The following KDM2A variants were observed in gnomAD, a reference collection of about 807,000 sequenced individuals.
The protein encoded by KDM2A is lysine demethylase 2A.
In KDM2A, 3 loss-of-function variants were observed where a neutral mutation model predicts 137.3. The ratio of observed to expected loss-of-function variants is 0.02; its 90% CI spans 0.01 to 0.06. The LOEUF (loss-of-function observed/expected upper bound fraction) is 0.06. Ranked by LOEUF, KDM2A falls within the 10% of genes least tolerant of loss-of-function variation. The pLI is 1.00. For synonymous variants in KDM2A, 512 were observed against 541.5 expected (o/e 0.95, Z 0.76); for missense variants, 738 against 1,510.6 (o/e 0.49, Z 8.48).
intron 5 of KDM2A, among the ~76,000 whole-genome samples, chr11:67,193,797 G>A (rs1718395056): frequency 6.6e-6 from 1 of 152,236 alleles, no homozygotes; most frequent in Admixed American, 6.5e-5. Context: ...GGAGCGGGAG[G>A]TTGCGGTAAG....
At chr11:67,247,063 A>ATTTTTTTTT (rs1212913269) in intron 15 of KDM2A, among the ~76,000 whole-genome samples, 3 of 25,008 alleles carry the variant, frequency 1.2e-4, no homozygotes, top group African/African-American at 1.8e-4. Context: ...ATATATATAT[A>ATTTTTTTTT]TATATATATT....
chr11:67,240,508 C>T (rs1386288391), intron 12 of KDM2A: 2 of 720,192 alleles, frequency 2.8e-6, no homozygotes, highest in Non-Finnish European at 4.4e-6. Flanking sequence ...TTGCTTGAGC[C>T]GTCATTGCAC....
rs868581181 is a variant in KDM2A, at chr11:67,240,466, G to A, written c.1480-2543G>A. 67 of 1,011,222 alleles carry A rather than the reference G, an allele frequency of 6.6e-5. No individual in the cohort carries two copies. In the Middle Eastern group the frequency reaches 9.5e-4, roughly 14 times the overall value. 62.6% of individuals were successfully genotyped at this position (1,011,222 alleles called of 1,614,324 possible). A position where few individuals can be genotyped will look rare whatever the true frequency, so the allele number is the denominator to read the frequency against. On this transcript the variant is annotated intron_variant, in intron 12 of 20. Coordinates refer to ENST00000529006, the MANE Select transcript of KDM2A (RefSeq NM_012308.3). ...AGAGGCAGGAGAAACTGCCTGCCGG[G>A]CGAGTCCAGGACAATGCTATGTTAC...
chr11:67,148,644 T>C (rs1419096902), intron 2 of KDM2A, among the ~76,000 whole-genome samples: 3 of 151,014 alleles, frequency 2.0e-5, no homozygotes, highest in African/African-American at 2.4e-5. Flanking sequence ...CTACTAAAAA[T>C]ACGAAAATGA....
intron 5 of KDM2A, among the ~76,000 whole-genome samples, chr11:67,205,489 T>C (rs557351420): frequency 6.6e-6 from 1 of 152,114 alleles, no homozygotes; most frequent in East Asian, 1.9e-4. Context: ...ACAATAGATA[T>C]AAATTTTTTT....
At chr11:67,252,931 G>T (rs1040432506) in intron 18 of KDM2A, 74 bp downstream of exon 18, 4 of 1,479,068 alleles carry the variant, frequency 2.7e-6, no homozygotes, top group Non-Finnish European at 3.7e-6. Flanking sequence ...ATTATTGGCA[G>T]TGCTTCTTAG....
At chr11:67,213,202 C>T (rs1338609607) in intron 6 of KDM2A, among the ~76,000 whole-genome samples, 1 of 152,188 alleles carries the variant, frequency 6.6e-6, no homozygotes, top group Non-Finnish European at 1.5e-5. Context: ...ATGCATTTGT[C>T]TCCATTCACA....
In KDM2A at chr11:67,120,025, C is replaced by T. The variant is rs568292835; in HGVS notation, c.-108C>T. The T allele has an allele frequency of 6.6e-6, 1 of 152,370 alleles. No homozygotes were observed. Among genetic ancestry groups the T allele is most frequent in the Non-Finnish European group, 1.5e-5 (1 of 68,168 alleles). 9.4% of individuals were successfully genotyped at this position (152,370 alleles called of 1,614,324 possible). On this transcript the variant is annotated 5_prime_UTR_variant, in exon 1 of 21. Transcript: ENST00000529006. ...TGGAATCTTTTACTTCTCACTTGGA[C>T]AAGAACTCAAGAGCAGAATCTCCGG...
At chr11:67,238,049 A>G (rs1479016598) in intron 12 of KDM2A, among the ~76,000 whole-genome samples, 1 of 152,196 alleles carries the variant, frequency 6.6e-6, no homozygotes, top group Non-Finnish European at 1.5e-5. Flanking sequence ...GTTTTAAGTA[A>G]TGTAACTCAG....
chr11:67,143,015 CTATT>C (rs1261812447), intron 2 of KDM2A, among the ~76,000 whole-genome samples: 1 of 145,326 alleles, frequency 6.9e-6, no homozygotes, highest in Non-Finnish European at 1.5e-5. Context: ...ATATATATAT[CTATT>C]CTTTTTTTTT....
At chr11:67,221,450 A>T (rs577585967) in intron 10 of KDM2A, among the ~76,000 whole-genome samples, 2 of 152,320 alleles carry the variant, frequency 1.3e-5, no homozygotes, top group South Asian at 4.1e-4. Flanking sequence ...ATGGTCTTTT[A>T]TATATTATAG....
intron 5 of KDM2A, among the ~76,000 whole-genome samples, chr11:67,200,264 G>A (rs1412376049): frequency 6.6e-6 from 1 of 151,942 alleles, no homozygotes; most frequent in African/African-American, 2.4e-5. Context: ...TGCCCAGGCT[G>A]GAGTGCAGTG....
At chr11:67,240,426 C>T (rs1281557696) in intron 12 of KDM2A, 1 of 1,443,352 alleles carries the variant, frequency 6.9e-7, no homozygotes, top group Non-Finnish European at 9.3e-7. Flanking sequence ...ACTATAGGGA[C>T]TTTTGTCTCA....
chr11:67,196,605 A>G, intron 5 of KDM2A: 1 of 374,348 alleles, frequency 2.7e-6, no homozygotes, highest in South Asian at 2.0e-5. Context: ...GACTTATGCT[A>G]AGTGAAATAA....
chr11:67,247,078 T>TTA lies in KDM2A; in HGVS notation c.1965+963_1965+964insAT, dbSNP rs1565424349. 1.1e-3 allele frequency among the ~76,000 whole-genome samples: 82 copies of TTA among 77,770 alleles called. 1 individual carries two copies. The highest frequency in any genetic ancestry group is 4.5e-3 in the African/African-American group (78 of 17,520). 51.0% of individuals were successfully genotyped at this position (77,770 alleles called of 152,430 possible). On this transcript the variant is annotated intron_variant, in intron 15 of 20. Transcript: ENST00000529006. ...ATATATATATATATATATATTTTTT[T>TTA]TTTTTTTTTTTTTTTTTTTTTTTTT...
chr11:67,201,982 G>A (rs929651902), intron 5 of KDM2A, among the ~76,000 whole-genome samples: 6 of 151,766 alleles, frequency 4.0e-5, no homozygotes, highest in Admixed American at 6.6e-5. Flanking sequence ...ATGAAAAAGA[G>A]CATTTGTGGT....
At chr11:67,146,625 C>G (rs1856254070) in intron 2 of KDM2A, among the ~76,000 whole-genome samples, 1 of 152,082 alleles carries the variant, frequency 6.6e-6, no homozygotes, top group Non-Finnish European at 1.5e-5. Context: ...CCTCCTGCCT[C>G]AGCCCCACAA....
At chr11:67,249,616 G>T (rs891755934) in intron 16 of KDM2A, among the ~76,000 whole-genome samples, 1 of 152,184 alleles carries the variant, frequency 6.6e-6, no homozygotes, top group African/African-American at 2.4e-5. Context: ...TAGCAACCCA[G>T]TTTCTCAGAG....
chr11:67,247,080 T>A (rs1440197297), intron 15 of KDM2A, among the ~76,000 whole-genome samples: 9 of 82,418 alleles, frequency 1.1e-4, no homozygotes, highest in African/African-American at 2.6e-4. Flanking sequence ...TATTTTTTTT[T>A]TTTTTTTTTT....
Sources: allele counts gnomAD v4.1 joint callset (sites outside exome capture counted in the v4.1 genomes callset), GRCh38; gene constraint gnomAD v4.1.1; transcripts MANE v1.5; gene names NCBI Gene and HGNC (gene_info 2026-07-23, HGNC 2026-07-21).